RHOBTB1: variants seen among roughly 807,000 people sequenced by gnomAD.
RHOBTB1 encodes the protein Rho related BTB domain containing 1, also known as rho-related BTB domain-containing protein 1.
In RHOBTB1, 40 loss-of-function variants were observed where a neutral mutation model predicts 71.6. The ratio of observed to expected loss-of-function variants is 0.56; its 90% CI spans 0.43 to 0.73. The LOEUF (loss-of-function observed/expected upper bound fraction) is 0.73, where lower values mean the gene tolerates loss of function less well. RHOBTB1 is among the 30% of genes least tolerant of loss of function. The pLI, the probability that RHOBTB1 is intolerant of heterozygous loss-of-function variation, is 0.00. For synonymous variants in RHOBTB1, 319 were observed against 334.9 expected (o/e 0.95, Z 0.52); for missense variants, 797 against 894.0 (o/e 0.89, Z 1.38).
rs2080773717 is a variant in RHOBTB1 at position 60,871,459 on chromosome 10, TTTTG to T, written c.*19_*22del. On this transcript the variant is annotated 3_prime_UTR_variant, in exon 11 of 11. Coordinates refer to ENST00000337910, the MANE Select transcript of RHOBTB1 (RefSeq NM_014836.5). Reference sequence around the variant, plus strand: ...ATCAGATTACCGATTGGTTTCTGTTTTTTGTTTTTTTTCTCTTCCTCTTCAGGCC... The same window carrying T: ...ATCAGATTACCGATTGGTTTCTGTTTTTTTTTTTCTCTTCCTCTTCAGGCC... 1.2e-6 allele frequency: 2 copies of T among 1,608,418 alleles called. No homozygotes were observed. The highest frequency in any genetic ancestry group is 4.5e-5 in the East Asian group (2 of 44,810).
chr10:60,993,214 C>A (rs1416726252), intron 1 of RHOBTB1, among the ~76,000 whole-genome samples: 1 of 152,002 alleles, frequency 6.6e-6, no homozygotes, highest in Non-Finnish European at 1.5e-5. Context: ...TGTAATGAGG[C>A]CTCTTTCCAA....
chr10:60,984,748 G>T (rs2134854964), intron 2 of RHOBTB1, among the ~76,000 whole-genome samples: 1 of 152,170 alleles, frequency 6.6e-6, no homozygotes, highest in Non-Finnish European at 1.5e-5. Context: ...TCATGAGCTG[G>T]GTGGACATTT....
At chr10:60,985,806 G>C (rs2086643080) in intron 2 of RHOBTB1, 2 of 152,136 alleles carry the variant, frequency 1.3e-5, no homozygotes. Flanking sequence ...GTAAGAAAGG[G>C]GAAAGCCAAT....
intron 1 of RHOBTB1, among the ~76,000 whole-genome samples, chr10:61,000,933 G>A (rs1212084261): frequency 6.6e-6 from 1 of 152,164 alleles, no homozygotes; most frequent in East Asian, 1.9e-4. Flanking sequence ...TGCAGATGCT[G>A]CGCCTACTTT....
chr10:60,908,506 A>T (rs1056686715), intron 4 of RHOBTB1, among the ~76,000 whole-genome samples: 1 of 152,162 alleles, frequency 6.6e-6, no homozygotes, highest in African/African-American at 2.4e-5. Context: ...AAAACAAAAA[A>T]GGTTTGTAAA....
At chr10:60,948,090 C>CT (rs903918887), upstream of RHOBTB1, among the ~76,000 whole-genome samples, 8 of 152,070 alleles carry the variant, frequency 5.3e-5, no homozygotes, top group Non-Finnish European at 5.9e-5. Context: ...TTTTCATTGG[C>CT]TTTTTTTGCC....
chr10:60,862,465 TG>T, the RHOBTB1 span, among the ~76,000 whole-genome samples: 2 of 151,622 alleles, frequency 1.3e-5, no homozygotes, highest in Non-Finnish European at 2.9e-5. Flanking sequence ...CCCAAAGTGC[TG>T]GGATAACAGG....
chr10:60,993,625 T>C (rs2086944708), intron 1 of RHOBTB1, among the ~76,000 whole-genome samples: 1 of 152,166 alleles, frequency 6.6e-6, no homozygotes, highest in African/African-American at 2.4e-5. Context: ...CTTATGTTCT[T>C]AGCCTTATTT....
At chr10:60,887,828 G>A (rs1363369232) in intron 6 of RHOBTB1, among the ~76,000 whole-genome samples, 2 of 152,166 alleles carry the variant, frequency 1.3e-5, no homozygotes, top group African/African-American at 4.8e-5. Flanking sequence ...TATGCAACAA[G>A]CCCACTGGAG....
intron 4 of RHOBTB1, among the ~76,000 whole-genome samples, chr10:60,907,243 G>T (rs1391354305): frequency 6.6e-6 from 1 of 152,186 alleles, no homozygotes; most frequent in Admixed American, 6.5e-5. Flanking sequence ...AGGGACTGAA[G>T]GGCCAGATTC....
Position 60,888,533 on chromosome 10 carries a change from T to G in RHOBTB1, c.1135A>C (p.Ile379Leu). 5.6e-6 allele frequency: 9 copies of G among 1,614,194 alleles called. No individual in the cohort carries two copies. Among genetic ancestry groups the G allele is most frequent in the Non-Finnish European group, 7.6e-6 (9 of 1,180,024 alleles). The change falls in exon 6 of 11, where the codon ATT (isoleucine) becomes CTT (leucine). Residue 379 changes from isoleucine to leucine, a missense_variant. Ile to Leu is a conservative substitution (Grantham distance 5). Around this residue, in one of 2 missense-constraint regions of RHOBTB1, gnomAD observed 658 missense variants for 681.5 expected, o/e 0.97. Coordinates refer to ENST00000337910, the MANE Select transcript of RHOBTB1 (RefSeq NM_014836.5). ...QTLTGWSKGF[I>L]GMHREMQVNP... ...ACTTGCATTTCCCTGTGCATGCCAA[T>G]GAACCCCTTACTCCATCCGGTCAAA...
At chr10:60,978,598 G>C (rs1366193145) in intron 2 of RHOBTB1, among the ~76,000 whole-genome samples, 2 of 152,150 alleles carry the variant, frequency 1.3e-5, no homozygotes, top group African/African-American at 4.8e-5. Context: ...AGTCAGCAGG[G>C]TCTCAAGGCT....
intron 2 of RHOBTB1, among the ~76,000 whole-genome samples, chr10:60,938,524 A>G (rs2084724632): frequency 6.6e-6 from 1 of 152,222 alleles, no homozygotes; most frequent in Non-Finnish European, 1.5e-5. Context: ...TCTATGACTC[A>G]ACTGTTTAAG....
At chr10:60,886,053 A>C in intron 7 of RHOBTB1, 59 bp downstream of exon 7, 1 of 1,275,098 alleles carries the variant, frequency 7.8e-7, no homozygotes, top group Non-Finnish European at 1.1e-6. Flanking sequence ...ACTTTATATA[A>C]ATACACAGGC....
chr10:60,977,214 G>A (rs2086346157), intron 2 of RHOBTB1, among the ~76,000 whole-genome samples: 1 of 151,988 alleles, frequency 6.6e-6, no homozygotes, highest in Non-Finnish European at 1.5e-5. Flanking sequence ...AGTGCTTAGG[G>A]AGCATTTTGA....
intron 2 of RHOBTB1, among the ~76,000 whole-genome samples, chr10:60,920,654 G>A (rs891533540): frequency 1.8e-4 from 26 of 146,270 alleles, no homozygotes; most frequent in Admixed American, 2.0e-4. Context: ...GTTTTGTTTT[G>A]TTTTGTTTTG....
chr10:60,872,398 C>A lies in RHOBTB1; in HGVS notation c.1816-108G>T, dbSNP rs958879165. On this transcript the variant is annotated intron_variant, in intron 9 of 10. Coordinates refer to ENST00000337910, the MANE Select transcript of RHOBTB1 (RefSeq NM_014836.5). The stretch of plus-strand genomic sequence containing the variant: ...GAAAAGAAATGAAGGGCTTATATAA[C>A]TAATTCGGTAAACCTCTTGTTTTGA... The A allele has an allele frequency of 3.9e-6, 3 of 769,760 alleles. No individual in the cohort carries two copies. In the African/African-American group the frequency reaches 5.2e-5, roughly 13 times the overall value. 47.7% of individuals were successfully genotyped at this position (769,760 alleles called of 1,614,324 possible). A position where few individuals can be genotyped will look rare whatever the true frequency, so the allele number is the denominator to read the frequency against.
chr10:60,882,826 A>T (rs2081386541), intron 7 of RHOBTB1, among the ~76,000 whole-genome samples: 1 of 152,202 alleles, frequency 6.6e-6, no homozygotes, highest in Admixed American at 6.5e-5. Context: ...TTTAACTTAG[A>T]GCTTTCCGGG....
In RHOBTB1 at chr10:60,888,845, G is replaced by C; in HGVS notation, c.823C>G (p.Gln275Glu). ...ATTCGATGTGCAAAGATGTGTTCCT[G>C]GTCCTGAAGGATGAACAGAACATCG... The part of the protein sequence containing the change: ...CADVLFILQD[Q>E]EHIFAHRIYL... Residue 275 changes from glutamine to glutamate, a missense_variant, in exon 6 of 11, where the codon CAG becomes GAG. This residue lies in a region of RHOBTB1 where 658 missense variants were observed against 681.5 expected (regional missense o/e 0.97). Coordinates refer to ENST00000337910, the MANE Select transcript of RHOBTB1 (RefSeq NM_014836.5). 1 of 1,614,188 alleles carries C rather than the reference G, an allele frequency of 6.2e-7. No individual in the cohort carries two copies. The highest frequency in any genetic ancestry group is 8.5e-7 in the Non-Finnish European group (1 of 1,180,038).
Sources: allele counts gnomAD v4.1 joint callset (sites outside exome capture counted in the v4.1 genomes callset), GRCh38; gene constraint gnomAD v4.1.1; regional missense constraint gnomAD v4.1.1; transcripts MANE v1.5; gene names NCBI Gene and HGNC (gene_info 2026-07-23, HGNC 2026-07-21).